Variants in IDUA observed in about 807,000 individuals in gnomAD.
IDUA encodes the protein iduronidase alpha-L-.
Under a neutral mutation model 68.9 loss-of-function variants are expected in IDUA, and 65 were observed. The ratio of observed to expected loss-of-function variants is 0.94; its 90% confidence interval spans 0.77 to 1.16. The LOEUF is 1.16. Ranked by LOEUF, IDUA falls within the 50% of genes most tolerant of loss-of-function variation. IDUA has a pLI of 0.00. For missense variants in IDUA, 1,046 were observed against 938.0 expected (o/e 1.12, Z -1.50); for synonymous variants, 529 against 433.6 (o/e 1.22, Z -2.73).
chr4:1,001,720 G>C lies in IDUA; in HGVS notation c.631G>C (p.Ala211Pro). 2 of 1,598,868 alleles carry C rather than the reference G, an allele frequency of 1.3e-6. No homozygotes were observed. Among genetic ancestry groups the C allele is most frequent in the South Asian group, 2.2e-5 (2 of 90,754 alleles). ...YYDACSEGLR[A>P]ASPALRLGGP... is the part of the protein sequence containing the mutation. ...CGATGCCTGCTCGGAGGGTCTGCGC[G>C]CCGCCAGCCCCGCCCTGCGGCTGGG... is the stretch of plus-strand genomic sequence containing the variant. Residue 211 changes from alanine to proline, a missense_variant, in exon 6 of 14, where the codon GCC becomes CCC. Coordinates refer to ENST00000514224, the MANE Select transcript of IDUA (RefSeq NM_000203.5).
At position 1,004,320 on chromosome 4, in the gene IDUA, GC is replaced by G. The variant is rs1553917754; in HGVS notation, c.1893del (p.Phe632SerfsTer?). The G allele has an allele frequency of 2.5e-6, 4 of 1,611,614 alleles. No homozygotes were observed. Among genetic ancestry groups the G allele is most frequent in the Non-Finnish European group, 2.5e-6 (3 of 1,179,916 alleles). Reference sequence around the variant, plus strand: ...GCCCTGGACTACTGGGCCCGACCAGGCCCCTTCTCGGACCCTGTGCCGTACC... The same window carrying G: ...GCCCTGGACTACTGGGCCCGACCAGGCCCTTCTCGGACCCTGTGCCGTACC... ...VRALDYWARP[G>X]PFSDPVPYLE... On this transcript the variant is annotated frameshift_variant, in exon 14 of 14. Transcript: ENST00000514224. LOFTEE classifies it low-confidence loss of function (END_TRUNC). The surrounding 1 kb of genome is among the most constrained non-coding windows in gnomAD (Gnocchi z 5.0).
At chr4:998,053 G>A (rs2153020744) in intron 2 of IDUA, among the ~76,000 whole-genome samples, 1 of 152,340 alleles carries the variant, frequency 6.6e-6, no homozygotes, top group African/African-American at 2.4e-5. Flanking sequence ...CACCTTCTGG[G>A]CATTTAATTC....
intron 2 of IDUA, chr4:992,014 C>T (rs1714392229): frequency 9.5e-6 from 6 of 631,542 alleles, no homozygotes; most frequent in Admixed American, 4.2e-5. Flanking sequence ...GGCGGCGTGG[C>T]GGCACCCTGT....
In IDUA at chr4:987,931, T is replaced by C. The variant is rs2153015695; in HGVS notation, c.281T>C (p.Leu94Pro). The C allele has an allele frequency of 6.3e-7, 1 of 1,590,416 alleles. No individual in the cohort carries two copies. The highest frequency in any genetic ancestry group is 1.1e-5 in the South Asian group (1 of 88,214). ...GIKQVRTHWLLELVTTRGSTG... is the reference protein window; with the variant it reads ...GIKQVRTHWLPELVTTRGSTG... ...AAGCAGGTCCGGACCCACTGGCTGC[T>C]GGAGCTTGTCACCACCAGGTGGGCG... Residue 94 changes from leucine to proline, a missense_variant, in exon 2 of 14, where the codon CTG (leucine) becomes CCG (proline). Coordinates refer to ENST00000514224, the MANE Select transcript of IDUA (RefSeq NM_000203.5).
In IDUA at chr4:989,904, G is replaced by A. The variant is rs1157498770; in HGVS notation, c.299+1955G>A. On this transcript the variant is annotated intron_variant, in intron 2 of 13. Coordinates refer to ENST00000514224, the MANE Select transcript of IDUA (RefSeq NM_000203.5). ...CGGCAGCCACGAGGGCCAGGGCCAC[G>A]GCATCCAAAGCCACACGCTGCATCA... The A allele has an allele frequency of 1.5e-5, 23 of 1,563,876 alleles. No individual in the cohort carries two copies. The East Asian group carries it at 2.6e-4, about 18-fold the overall frequency.
rs121965031 is a variant in IDUA at position 1,004,286 on chromosome 4, C to A, written c.1855C>A (p.Arg619=). 3 of 1,610,732 alleles carry A rather than the reference C, an allele frequency of 1.9e-6. No homozygotes were observed. The highest frequency in any genetic ancestry group is 2.2e-5 in the East Asian group (1 of 44,848). The change falls in exon 14 of 14, where the codon CGA becomes AGA. Residue 619 remains arginine, a synonymous_variant. Coordinates refer to ENST00000514224, the MANE Select transcript of IDUA (RefSeq NM_000203.5). This position sits in a 1 kb window ranked among gnomAD's most constrained non-coding sequence, Gnocchi z 5.0. ...CACAGGTGCTGTCTCTGGCTCCTACCGAGTTCGAGCCCTGGACTACTGGGC... is the reference window on the plus strand; with the variant it reads ...CACAGGTGCTGTCTCTGGCTCCTACAGAGTTCGAGCCCTGGACTACTGGGC... The part of the protein sequence containing the change: ...PDTGAVSGSY[R]VRALDYWARP...
At position 989,321 on chromosome 4, in the gene IDUA, A is replaced by G; in HGVS notation, c.299+1372A>G. 3 of 1,610,320 alleles carry G rather than the reference A, an allele frequency of 1.9e-6. No individual in the cohort carries two copies. In the South Asian group the frequency reaches 3.3e-5, roughly 18 times the overall value. On this transcript the variant is annotated intron_variant, in intron 2 of 13. Coordinates refer to ENST00000514224, the MANE Select transcript of IDUA (RefSeq NM_000203.5). ...TAGTACAGCGGCCCCCCAAAGCGGA[A>G]CACCCGCACGCCGGGCTCAGGGACG...
chr4:1,001,254 C>CT (rs1715055316), intron 4 of IDUA: 1 of 430,378 alleles, frequency 2.3e-6, no homozygotes. Flanking sequence ...GGCTGCACCC[C>CT]TATCACCCAG....
rs1029767148 is a variant in IDUA, at chr4:1,002,800, G to C, written c.1258G>C (p.Val420Leu). 2.5e-5 allele frequency: 37 copies of C among 1,465,444 alleles called. No individual in the cohort carries two copies. The highest frequency in any genetic ancestry group is 3.1e-5 in the Non-Finnish European group (35 of 1,114,456). The allele number at this position is 1,465,444 out of a possible 1,614,324, so 90.8% of individuals were successfully genotyped here. A position where few individuals can be genotyped will look rare whatever the true frequency, so the allele number is the denominator to read the frequency against. ...CCTGGACAGCAACCACACGGTGGGC[G>C]TCCTGGCCAGCGCCCACCGCCCCCA... is the stretch of plus-strand genomic sequence containing the variant. ...TVLDSNHTVG[V>L]LASAHRPQGP... Residue 420 changes from valine (V) to leucine (L), a missense_variant, in exon 9 of 14, where the codon GTC becomes CTC. Physicochemically the swap from Val to Leu is conservative, Grantham distance 32. Coordinates refer to ENST00000514224, the MANE Select transcript of IDUA (RefSeq NM_000203.5).
chr4:995,186 AG>A (rs1714670188), intron 2 of IDUA, among the ~76,000 whole-genome samples: 1 of 151,962 alleles, frequency 6.6e-6, no homozygotes, highest in South Asian at 2.1e-4. Flanking sequence ...TTGGGACTAC[AG>A]GCGTGTGCCA....
chr4:997,586 C>T (rs1714816790), intron 2 of IDUA, among the ~76,000 whole-genome samples: 1 of 151,888 alleles, frequency 6.6e-6, no homozygotes, highest in Non-Finnish European at 1.5e-5. Context: ...CGACACCCCG[C>T]GCGGGGTCTA....
At chr4:1,001,928 G>A (rs1279242156) in intron 6 of IDUA, 47 bp downstream of exon 6, 2 of 1,569,076 alleles carry the variant, frequency 1.3e-6, no homozygotes, top group Admixed American at 1.9e-5. Flanking sequence ...GCCCTCAGCC[G>A]CTGTGCCCCG....
At chr4:999,182 G>A (rs1714932495) in intron 2 of IDUA, among the ~76,000 whole-genome samples, 1 of 150,448 alleles carries the variant, frequency 6.6e-6, no homozygotes, top group Non-Finnish European at 1.5e-5. Context: ...CCCAGGCTGG[G>A]CAACAGAGTG....
rs2305488 is a variant in IDUA at position 1,003,697 on chromosome 4, T to G, written c.1727+72T>G. 0.17 allele frequency: 257,637 copies of G among 1,545,850 alleles called. 23,161 individuals are homozygous for G. Among genetic ancestry groups the G allele is most frequent in the South Asian group, 0.3 (26,526 of 88,962 alleles). ...CCCTGGGTCCCGACCCCTTCACCCA[T>G]GCGGTCACTCGGGCCACTTGCCGTG... On this transcript the variant is annotated intron_variant, in intron 12 of 13. Transcript: ENST00000514224.
At chr4:995,582 G>C (rs1463112567) in intron 2 of IDUA, among the ~76,000 whole-genome samples, 1 of 152,244 alleles carries the variant, frequency 6.6e-6, no homozygotes, top group African/African-American at 2.4e-5. Context: ...GACTCTGTCC[G>C]GGGAACAGAA....
At position 987,277 on chromosome 4, in the gene IDUA, G is replaced by T; in HGVS notation, c.158+35G>T. The stretch of plus-strand genomic sequence containing the variant: ...CCGCGGCCTCCGGGACCCCCTGGCC[G>T]CACGGGGAGAGCTCGGGCGCCCCCT... On this transcript the variant is annotated intron_variant, in intron 1 of 13. Transcript: ENST00000514224. The T allele has an allele frequency of 2.0e-6, 3 of 1,505,986 alleles. No individual in the cohort carries two copies. In the East Asian group the frequency reaches 8.0e-5, roughly 40 times the overall value. 93.3% of individuals were successfully genotyped at this position (1,505,986 alleles called of 1,614,324 possible).
In IDUA at chr4:991,688, C is replaced by G. The variant is rs754358942; in HGVS notation, c.299+3739C>G. The G allele has an allele frequency of 1.2e-4, 190 of 1,534,372 alleles. 2 individuals carry two copies. In the South Asian group the frequency reaches 1.6e-3, roughly 13 times the overall value. On this transcript the variant is annotated intron_variant, in intron 2 of 13. Coordinates refer to ENST00000514224, the MANE Select transcript of IDUA (RefSeq NM_000203.5). ...GGCCCTCTGCCCTGCTGCAGAGGCT[C>G]AGGGGACTCGTCCATCCTGTTGCGT...
At chr4:987,526 G>A (rs947524583) in intron 1 of IDUA, 4 of 967,252 alleles carry the variant, frequency 4.1e-6, no homozygotes. Context: ...AGCGGGACCT[G>A]GCCTGCCTGT....
upstream of IDUA, chr4:987,032 G>A (rs1713768476): frequency 1.3e-6 from 2 of 1,506,504 alleles, no homozygotes; most frequent in Non-Finnish European, 1.8e-6. Context: ...CCGACCCGGA[G>A]GCGGAACCGG....
Sources: allele counts gnomAD v4.1 joint callset (sites outside exome capture counted in the v4.1 genomes callset), GRCh38; gene constraint gnomAD v4.1.1; non-coding constraint Gnocchi (gnomAD v3.1); transcripts MANE v1.5; gene names NCBI Gene and HGNC (gene_info 2026-07-23, HGNC 2026-07-21).